Variants in ANKLE1 observed in about 807,000 individuals in gnomAD.
The protein encoded by ANKLE1 is ankyrin repeat and LEM domain containing 1, also known as structure-specific endonuclease ANKLE1.
Under a neutral mutation model 56.2 loss-of-function variants are expected in ANKLE1, and 59 were observed. That is an observed-to-expected ratio of 1.05 (90% CI 0.85 to 1.30). ANKLE1 has a LOEUF of 1.30. ANKLE1 is among the 50% of genes most tolerant of loss of function. The pLI, the probability that ANKLE1 is intolerant of heterozygous loss-of-function variation, is 0.00. For synonymous variants in ANKLE1, 341 were observed against 352.9 expected, an observed-to-expected ratio of 0.97 and a Z score of 0.38; for missense variants, 771 against 816.1, an observed-to-expected ratio of 0.94 and a Z score of 0.67.
In ANKLE1 at chr19:17,281,944, T is replaced by C. The variant is rs1300672098; in HGVS notation, c.24T>C (p.Ala8=). 6.5e-7 allele frequency: 1 copy of C among 1,534,324 alleles called. No homozygotes were observed. The highest frequency in any genetic ancestry group is 8.7e-7 in the Non-Finnish European group (1 of 1,145,574). Residue 8 remains alanine (A), a synonymous_variant, in exon 1 of 9, where the codon GCT becomes GCC. Transcript: ENST00000404085. ...GCATGTGCTCGGAGGCCCGCCTGGC[T>C]CGCAGGTTGCGGGATGCGCTGCGGG... The part of the protein sequence containing the change: MCSEARL[A]RRLRDALREE...
chr19:17,284,914 C>G (rs1031242183), intron 6 of ANKLE1, among the ~76,000 whole-genome samples: 9 of 151,750 alleles, frequency 5.9e-5, no homozygotes, highest in Non-Finnish European at 1.3e-4. Context: ...GTCTTGAGCT[C>G]CCAGCCTCAA....
intron 5 of ANKLE1, 45 bp from the exon 6 acceptor site, chr19:17,284,044 C>T: frequency 3.1e-6 from 5 of 1,606,596 alleles, no homozygotes; most frequent in Non-Finnish European, 4.3e-6. Flanking sequence ...CCACTTTCCT[C>T]CCCATCTCAG....
Position 17,283,398 on chromosome 19 carries a change from C to T in ANKLE1, c.634C>T (p.His212Tyr), listed in dbSNP as rs1448612670. The change falls in exon 5 of 9, where the codon CAC becomes TAC. Residue 212 changes from histidine (H) to tyrosine (Y), a missense_variant. His to Tyr is a moderately conservative substitution (Grantham distance 83). Coordinates refer to ENST00000404085, the MANE Select transcript of ANKLE1 (RefSeq NM_152363.6). ...KHGSSASPPG[H>Y]WDYSSDASFV... is the part of the protein sequence containing the mutation. ...TGGGAGCTCGGCGTCCCCTCCAGGG[C>T]ACTGGGATTACAGCTCAGACGCCTC... The T allele has an allele frequency of 6.2e-7, 1 of 1,613,742 alleles. No homozygotes were observed. The highest frequency in any genetic ancestry group is 8.5e-7 in the Non-Finnish European group (1 of 1,179,888).
chr19:17,281,953 G>T lies in ANKLE1; in HGVS notation c.33G>T (p.Leu11Phe). Residue 11 changes from leucine to phenylalanine, a missense_variant, in exon 1 of 9, where the codon TTG becomes TTT. Leu to Phe is a conservative substitution (Grantham distance 22). Transcript: ENST00000404085. MCSEARLARR[L>F]RDALREEEPW... ...CGGAGGCCCGCCTGGCTCGCAGGTTGCGGGATGCGCTGCGGGAGGAGGAGC... is the reference window on the plus strand; with the variant it reads ...CGGAGGCCCGCCTGGCTCGCAGGTTTCGGGATGCGCTGCGGGAGGAGGAGC... 6.5e-7 allele frequency: 1 copy of T among 1,534,356 alleles called. No homozygotes were observed.
chr19:17,283,216 C>A lies in ANKLE1; in HGVS notation c.461-9C>A, dbSNP rs763924002. On this transcript the variant is annotated splice_polypyrimidine_tract_variant and intron_variant, in intron 4 of 8. Coordinates refer to ENST00000404085, the MANE Select transcript of ANKLE1 (RefSeq NM_152363.6). ...TCCTCTCCTCTCTGGCCCCCACTCTCACCTGCAGCCCCAGGCCTCTCTGGA... is the reference window on the plus strand; with the variant it reads ...TCCTCTCCTCTCTGGCCCCCACTCTAACCTGCAGCCCCAGGCCTCTCTGGA... 1.3e-6 allele frequency: 2 copies of A among 1,598,964 alleles called. No homozygotes were observed. The highest frequency in any genetic ancestry group is 4.5e-5 in the East Asian group (2 of 44,634).
chr19:17,282,196 G>T lies in ANKLE1; in HGVS notation c.202G>T (p.Asp68Tyr). The T allele has an allele frequency of 1.3e-6, 2 of 1,515,826 alleles. No homozygotes were observed. The allele number at this position is 1,515,826 out of a possible 1,614,324, so 93.9% of individuals were successfully genotyped here. A position where few individuals can be genotyped will look rare whatever the true frequency, so the allele number is the denominator to read the frequency against. The change falls in exon 2 of 9, where the codon GAC (aspartate) becomes TAC (tyrosine). Residue 68 changes from aspartate to tyrosine, a missense_variant. Physicochemically the swap from Asp to Tyr is radical, Grantham distance 160. Coordinates refer to ENST00000404085, the MANE Select transcript of ANKLE1 (RefSeq NM_152363.6). ...CGGGGCCCTACTGCGCCAAGGCGGG[G>T]ACCCCAACGCTCGGTAAGATAGAGC... ...CLGALLRQGG[D>Y]PNARSVEALT...
At position 17,285,581 on chromosome 19, in the gene ANKLE1, A is replaced by G. The variant is rs202000838; in HGVS notation, c.1527A>G (p.Ser509=). ...AGGCCCTTGGTCACCATGGGCGGTC[A>G]AGAAAACAGGTGTGAGGACAGGGAT... The part of the protein sequence containing the change: ...LWEALGHHGR[S]RKQPHQACPK... The change falls in exon 7 of 9, where the codon TCA becomes TCG. Residue 509 remains serine, a synonymous_variant. Transcript: ENST00000404085. The G allele has an allele frequency of 4.2e-4, 685 of 1,613,942 alleles. 14 individuals are homozygous for G. The East Asian group carries it at 0.015, about 36-fold the overall frequency.
At position 17,282,888 on chromosome 19, in the gene ANKLE1, G is replaced by T; in HGVS notation, c.346G>T (p.Ala116Ser). Residue 116 changes from alanine (A) to serine (S), a missense_variant, in exon 4 of 9, where the codon GCC (alanine) becomes TCC (serine). Coordinates refer to ENST00000404085, the MANE Select transcript of ANKLE1 (RefSeq NM_152363.6). ...DQDGLRPLDL[A>S]LQQGHLECAR... ...GGACGGACTCCGGCCGCTGGACCTG[G>T]CCCTGCAGCAGGGACACCTGGAGTG... 6.3e-7 allele frequency: 1 copy of T among 1,580,072 alleles called. No individual in the cohort carries two copies.
In ANKLE1 at chr19:17,286,674, GTGTGTGTGTGTGTGTGTT is replaced by G. The variant is rs767407753; in HGVS notation, c.*140_*157del. On this transcript the variant is annotated 3_prime_UTR_variant, in exon 9 of 9. Transcript: ENST00000404085. ...TGTGTGTGTGTGTGTGTGTGTGTGTGTGTGTGTGTGTGTGTGTTTGTGTGTGTGTGTGTGTGTGTAGGG... is the reference window on the plus strand; with the variant it reads ...TGTGTGTGTGTGTGTGTGTGTGTGTGTGTGTGTGTGTGTGTGTGTGTAGGG... 2.2e-3 allele frequency: 3,084 copies of G among 1,376,398 alleles called. 24 individuals are homozygous for G. The African/African-American group carries it at 0.028, about 12-fold the overall frequency. The allele number at this position is 1,376,398 out of a possible 1,614,324, so 85.3% of individuals were successfully genotyped here.
At chr19:17,285,966 TC>T (rs1313847286) in intron 8 of ANKLE1, 147 bp downstream of exon 8, 3 of 1,161,990 alleles carry the variant, frequency 2.6e-6, no homozygotes, top group Non-Finnish European at 3.6e-6. Context: ...TGTATTTTGC[TC>T]CATTGGTTTA....
At position 17,284,384 on chromosome 19, in the gene ANKLE1, T is replaced by TTA; in HGVS notation, c.1376+119_1376+120insAT. ...TAGAATCATCAGCTGCTTCTTCTTC[T>TTA]TTTTTTTTATTTTTTTAAGACGGAG... On this transcript the variant is annotated intron_variant, in intron 6 of 8. Transcript: ENST00000404085. 9.9e-6 allele frequency: 3 copies of TTA among 304,448 alleles called. No individual in the cohort carries two copies. In the South Asian group the frequency reaches 2.3e-4, roughly 23 times the overall value. The allele number at this position is 304,448 out of a possible 1,614,324, so 18.9% of individuals were successfully genotyped here.
chr19:17,281,962 G>C lies in ANKLE1; in HGVS notation c.42G>C (p.Ala14=), dbSNP rs1308122687. 11 of 1,534,044 alleles carry C rather than the reference G, an allele frequency of 7.2e-6. No homozygotes were observed. The Admixed American group carries it at 2.0e-4, about 27-fold the overall frequency. ...GCCTGGCTCGCAGGTTGCGGGATGCGCTGCGGGAGGAGGAGCCGTGGTGAG... is the reference window on the plus strand; with the variant it reads ...GCCTGGCTCGCAGGTTGCGGGATGCCCTGCGGGAGGAGGAGCCGTGGTGAG... The part of the protein sequence containing the change: ...EARLARRLRD[A]LREEEPWAVE... The change falls in exon 1 of 9, where the codon GCG becomes GCC. Residue 14 remains alanine (A), a synonymous_variant. Coordinates refer to ENST00000404085, the MANE Select transcript of ANKLE1 (RefSeq NM_152363.6).
rs13345098 is a variant in ANKLE1, at chr19:17,286,668, G to T, written c.*116G>T. The T allele has an allele frequency of 5.3e-3, 6,339 of 1,197,820 alleles. 1 individual carries two copies. Among genetic ancestry groups the T allele is most frequent in the African/African-American group, 0.012 (532 of 44,596 alleles). 74.2% of individuals were successfully genotyped at this position (1,197,820 alleles called of 1,614,324 possible). A position where few individuals can be genotyped will look rare whatever the true frequency, so the allele number is the denominator to read the frequency against. On this transcript the variant is annotated 3_prime_UTR_variant, in exon 9 of 9. Coordinates refer to ENST00000404085, the MANE Select transcript of ANKLE1 (RefSeq NM_152363.6). ...AAGGGGTGTGTGTGTGTGTGTGTGT[G>T]TGTGTGTGTGTGTGTGTGTGTGTTT...
Position 17,286,675 on chromosome 19 carries a change from TGTGTGTG to T in ANKLE1, c.*124_*130del, listed in dbSNP as rs756448557. On this transcript the variant is annotated 3_prime_UTR_variant, in exon 9 of 9. Transcript: ENST00000404085. ...GTGTGTGTGTGTGTGTGTGTGTGTG[TGTGTGTG>T]TGTGTGTGTTTGTGTGTGTGTGTGT... The T allele has an allele frequency of 1.2e-4, 131 of 1,119,292 alleles. No individual in the cohort carries two copies. The highest frequency in any genetic ancestry group is 8.9e-4 in the Middle Eastern group (4 of 4,498). The allele number at this position is 1,119,292 out of a possible 1,614,324, so 69.3% of individuals were successfully genotyped here. A position where few individuals can be genotyped will look rare whatever the true frequency, so the allele number is the denominator to read the frequency against.
In ANKLE1 at chr19:17,282,950, G is replaced by C. The variant is rs375392662; in HGVS notation, c.408G>C (p.Arg136Ser). 1 of 1,568,386 alleles carries C rather than the reference G, an allele frequency of 6.4e-7. No individual in the cohort carries two copies. Among genetic ancestry groups the C allele is most frequent in the African/African-American group, 1.3e-5 (1 of 74,232 alleles). ...RVLQDLDTRT[R>S]TRTRIGAETQ... ...TGCAGGATCTCGACACGCGGACCAG[G>C]ACCCGGACCCGGATCGGGGCAGAGA... Residue 136 changes from arginine (R) to serine (S), a missense_variant, in exon 4 of 9, where the codon AGG (arginine) becomes AGC (serine). Coordinates refer to ENST00000404085, the MANE Select transcript of ANKLE1 (RefSeq NM_152363.6).
rs762806145 is a variant in ANKLE1, at chr19:17,282,969, G to A, written c.427G>A (p.Ala143Thr). 63 of 1,566,486 alleles carry A rather than the reference G, an allele frequency of 4.0e-5. 1 individual carries two copies. In the African/African-American group the frequency reaches 7.0e-4, roughly 17 times the overall value. ...GACCAGGACCCGGACCCGGATCGGG[G>A]CAGAGACTCAGGAGCCCGAGCCTGC... The part of the protein sequence containing the change: ...TRTRTRTRIG[A>T]ETQEPEPAPG... The change falls in exon 4 of 9, where the codon GCA (alanine) becomes ACA (threonine). Residue 143 changes from alanine (A) to threonine (T), a missense_variant. By Grantham distance (58) the Ala-to-Thr change is moderately conservative. Coordinates refer to ENST00000404085, the MANE Select transcript of ANKLE1 (RefSeq NM_152363.6).
chr19:17,283,368 A>G lies in ANKLE1; in HGVS notation c.604A>G (p.Lys202Glu). 1 of 1,613,694 alleles carries G rather than the reference A, an allele frequency of 6.2e-7. No individual in the cohort carries two copies. The highest frequency in any genetic ancestry group is 1.1e-5 in the South Asian group (1 of 91,082). ...CCCTGTTCCCCTTGAAACTGTGGAC[A>G]AACATGGGAGCTCGGCGTCCCCTCC... is the stretch of plus-strand genomic sequence containing the variant. ...SLPVPLETVD[K>E]HGSSASPPGH... The change falls in exon 5 of 9, where the codon AAA (lysine) becomes GAA (glutamate). Residue 202 changes from lysine (K) to glutamate (E), a missense_variant. Lys to Glu is a moderately conservative substitution (Grantham distance 56). Coordinates refer to ENST00000404085, the MANE Select transcript of ANKLE1 (RefSeq NM_152363.6).
Position 17,286,790 on chromosome 19 carries a change from T to C in ANKLE1, c.*238T>C. The stretch of plus-strand genomic sequence containing the variant: ...ATGGTACTGCTGGAGAGGTAGTAAG[T>C]AGTGAGCTCCCCATCGTGGGAGGAG... On this transcript the variant is annotated 3_prime_UTR_variant, in exon 9 of 9. Coordinates refer to ENST00000404085, the MANE Select transcript of ANKLE1 (RefSeq NM_152363.6). The C allele has an allele frequency of 7.3e-7, 1 of 1,372,662 alleles. No homozygotes were observed. The highest frequency in any genetic ancestry group is 9.4e-7 in the Non-Finnish European group (1 of 1,058,972). The allele number at this position is 1,372,662 out of a possible 1,614,324, so 85.0% of individuals were successfully genotyped here.
At chr19:17,284,573 G>A (rs887319081) in intron 6 of ANKLE1, among the ~76,000 whole-genome samples, 4 of 151,448 alleles carry the variant, frequency 2.6e-5, no homozygotes, top group African/African-American at 7.3e-5. Flanking sequence ...TAGTAGAGAC[G>A]AGGTTTCACC....
Sources: gnomAD v4.1 joint callset for allele counts (sites outside exome capture counted in the v4.1 genomes callset) on GRCh38, gnomAD v4.1.1 for gene constraint, MANE v1.5 for transcripts, NCBI Gene and HGNC (gene_info 2026-07-23, HGNC 2026-07-21) for gene names.